The following ESR1 variants were observed in gnomAD, a reference collection of about 807,000 sequenced individuals.
The protein encoded by ESR1 is estrogen receptor.
In ESR1, 12 loss-of-function variants were observed where a neutral mutation model predicts 52.7. The ratio of observed to expected loss-of-function variants is 0.23; its 90% CI spans 0.15 to 0.37. The LOEUF is 0.37. ESR1 is among the 10% of genes least tolerant of loss of function. The pLI, the probability that ESR1 is intolerant of heterozygous loss-of-function variation, is 1.00. For missense variants in ESR1, 584 were observed against 779.7 expected (o/e 0.75, Z 2.99); for synonymous variants, 305 against 316.8 (o/e 0.96, Z 0.39).
chr6:152,036,078 A>T (rs918172618), intron 5 of ESR1, among the ~76,000 whole-genome samples: 7 of 151,678 alleles, frequency 4.6e-5, no homozygotes, highest in African/African-American at 1.7e-4. Flanking sequence ...AACTTTAATT[A>T]AAAAACCAGG....
intron 3 of ESR1, among the ~76,000 whole-genome samples, chr6:151,925,430 A>G (rs2032551783): frequency 6.6e-6 from 1 of 152,128 alleles, no homozygotes; most frequent in Non-Finnish European, 1.5e-5. Context: ...AACATGGTGA[A>G]ACCCTGTCTC....
At chr6:151,736,375 G>GTTC (rs748276035) in intron 2 of ESR1, among the ~76,000 whole-genome samples, 2 of 112,742 alleles carry the variant, frequency 1.8e-5, no homozygotes, top group African/African-American at 7.6e-5. Context: ...TCCAGGTAGT[G>GTTC]TTTTTTTTTT....
At chr6:152,029,211 G>T (rs2044445306) in intron 5 of ESR1, among the ~76,000 whole-genome samples, 1 of 152,210 alleles carries the variant, frequency 6.6e-6, no homozygotes, top group Non-Finnish European at 1.5e-5. Context: ...TAGAAAAACA[G>T]AAAGTTCTAA....
chr6:151,683,352 G>A (rs148602830), intron 1 of ESR1, among the ~76,000 whole-genome samples: 98 of 152,042 alleles, frequency 6.4e-4, no homozygotes, highest in African/African-American at 2.3e-3. Flanking sequence ...TGCTTGGAGA[G>A]CAAGGTGAAT....
In ESR1 at chr6:151,876,828, T is replaced by C. The variant is rs78066513; in HGVS notation, c.644-3827T>C. Among the ~76,000 whole-genome samples the C allele has an allele frequency of 3.2e-3, 482 of 152,190 alleles. 5 individuals carry two copies. Among genetic ancestry groups the C allele is most frequent in the East Asian group, 0.025 (127 of 5,176 alleles). On this transcript the variant is annotated intron_variant, in intron 2 of 7. Coordinates refer to ENST00000206249, the MANE Select transcript of ESR1 (RefSeq NM_000125.4). ...TTTTATCTTTTGATGGGCAAGAAAA[T>C]AGTGCGGATTATTTTTCCAAACCTT... is the stretch of plus-strand genomic sequence containing the variant.
chr6:152,095,447 A>G (rs545739505), intron 7 of ESR1, among the ~76,000 whole-genome samples: 36 of 152,338 alleles, frequency 2.4e-4, no homozygotes, highest in South Asian at 1.7e-3. Flanking sequence ...GCCTGAGGCC[A>G]GGGTGACTCT....
chr6:151,850,030 ATATATATATATAATTTT>A (rs1562474059), intron 2 of ESR1, among the ~76,000 whole-genome samples: 4 of 77,878 alleles, frequency 5.1e-5, no homozygotes, highest in South Asian at 4.1e-4. Context: ...ATACAAAATT[ATATATATATATAATTTT>A]ATATATATAT....
chr6:151,811,677 A>AT (rs1778856398), intron 1 of ESR1, among the ~76,000 whole-genome samples: 1 of 152,088 alleles, frequency 6.6e-6, no homozygotes, highest in African/African-American at 2.4e-5. Flanking sequence ...TTTCCGATAC[A>AT]TTTTTCCTTT....
rs79963155 is a variant in ESR1 at position 151,884,820 on chromosome 6, G to C, written c.760+4049G>C. 3.3e-3 allele frequency among the ~76,000 whole-genome samples: 501 copies of C among 152,240 alleles called. 4 individuals are homozygous for C. The highest frequency in any genetic ancestry group is 0.012 in the African/African-American group (482 of 41,548). Reference sequence around the variant, plus strand: ...TTTGTCTCCTTCCTCTTGAACTTTAGGTTGTAGATTACATGTCTCTTCTTC... The same window carrying C: ...TTTGTCTCCTTCCTCTTGAACTTTACGTTGTAGATTACATGTCTCTTCTTC... On this transcript the variant is annotated intron_variant, in intron 3 of 7. Coordinates refer to ENST00000206249, the MANE Select transcript of ESR1 (RefSeq NM_000125.4).
At chr6:151,677,991 A>C (rs182641492) in intron 1 of ESR1, among the ~76,000 whole-genome samples, 13 of 134,978 alleles carry the variant, frequency 9.6e-5, no homozygotes, top group African/African-American at 3.3e-4. Flanking sequence ...TGAAAGAAGC[A>C]GGAAGCAAGT....
chr6:151,665,731 G>A (rs1777799874), intron 1 of ESR1, among the ~76,000 whole-genome samples: 1 of 151,836 alleles, frequency 6.6e-6, no homozygotes, highest in Admixed American at 6.6e-5. Flanking sequence ...TACATACAAT[G>A]TTTTATTACA....
intron 1 of ESR1, among the ~76,000 whole-genome samples, chr6:151,812,127 A>T (rs1778929943): frequency 6.6e-6 from 1 of 152,142 alleles, no homozygotes; most frequent in Non-Finnish European, 1.5e-5. Flanking sequence ...CAAGGGGAGG[A>T]ACCATAGATA....
At chr6:151,938,041 C>A (rs542692446) in intron 3 of ESR1, among the ~76,000 whole-genome samples, 52 of 152,296 alleles carry the variant, frequency 3.4e-4, no homozygotes, top group African/African-American at 1.2e-3. Context: ...TTTTCTTTAA[C>A]ATGTTGAATT....
chr6:151,964,713 C>G (rs1323521036), intron 4 of ESR1, among the ~76,000 whole-genome samples: 1 of 151,560 alleles, frequency 6.6e-6, no homozygotes, highest in Non-Finnish European at 1.5e-5. Flanking sequence ...GCGATCTCCA[C>G]TCACTGCAAG....
In ESR1 at chr6:151,974,079, G is replaced by C. The variant is rs117778466; in HGVS notation, c.1096+29571G>C. Among the ~76,000 whole-genome samples, 549 of 152,100 alleles carry C rather than the reference G, an allele frequency of 3.6e-3. 2 individuals carry two copies. The highest frequency in any genetic ancestry group is 6.8e-3 in the Middle Eastern group (2 of 294). On this transcript the variant is annotated intron_variant, in intron 4 of 7. Coordinates refer to ENST00000206249, the MANE Select transcript of ESR1 (RefSeq NM_000125.4). ...GATAAAACTTTATTTAAAAATGAGG[G>C]GTCATCTGGGCTGTGGTTTTTCAAC...
At chr6:151,739,017 C>T (rs1183572194) in intron 2 of ESR1, among the ~76,000 whole-genome samples, 1 of 152,150 alleles carries the variant, frequency 6.6e-6, no homozygotes, top group African/African-American at 2.4e-5. Flanking sequence ...TACTTGCAGC[C>T]ATTTTCAAAC....
intron 2 of ESR1, among the ~76,000 whole-genome samples, chr6:151,857,541 T>A (rs77354143): frequency 6.6e-6 from 1 of 151,832 alleles, no homozygotes; most frequent in Admixed American, 6.6e-5. Context: ...TTCTTTTTTT[T>A]AATTCGAGAC....
chr6:152,111,743 C>T (rs756574951), intron 6 of ESR1, among the ~76,000 whole-genome samples: 1 of 152,086 alleles, frequency 6.6e-6, no homozygotes, highest in South Asian at 2.1e-4. Flanking sequence ...GGAACCGTGT[C>T]GCTGTCTCGG....
chr6:152,093,639 A>T (rs1202899016), intron 6 of ESR1, among the ~76,000 whole-genome samples: 1 of 152,124 alleles, frequency 6.6e-6, no homozygotes, highest in Non-Finnish European at 1.5e-5. Flanking sequence ...AGACAGCAGG[A>T]TCTATTTCAG....
Sources: gnomAD v4.1 joint callset for allele counts (sites outside exome capture counted in the v4.1 genomes callset) on GRCh38, gnomAD v4.1.1 for gene constraint, MANE v1.5 for transcripts, NCBI Gene and HGNC (gene_info 2026-07-23, HGNC 2026-07-21) for gene names.